Variants in GPR146 observed in about 807,000 individuals in gnomAD.
GPR146 encodes the protein G-protein coupled receptor 146.
For synonymous variants in GPR146, 203 were observed against 104.3 expected (o/e 1.95, Z -5.77); for missense variants, 381 against 213.9 (o/e 1.78, Z -4.87).
intron 1 of GPR146, among the ~76,000 whole-genome samples, chr7:1,053,744 T>A (rs1014511809): frequency 6.6e-6 from 1 of 152,150 alleles, no homozygotes; most frequent in Admixed American, 6.5e-5. Flanking sequence ...GGAGAATCGC[T>A]TGAACCCGGG....
At chr7:1,049,006 C>G (rs558981589) in intron 1 of GPR146, among the ~76,000 whole-genome samples, 1 of 152,376 alleles carries the variant, frequency 6.6e-6, no homozygotes, top group African/African-American at 2.4e-5. Context: ...ACTGCAAAGC[C>G]TCTGCAGTCT....
In GPR146 at chr7:1,058,869, T is replaced by A. The variant is rs1012604327; in HGVS notation, c.*352T>A. ...TATACTTTGTGGTTAAAATACTTGA[T>A]TCCCCCTTGTTTGTTTTACAAAAAC... On this transcript the variant is annotated 3_prime_UTR_variant, in exon 2 of 2. Coordinates refer to ENST00000444847, the MANE Select transcript of GPR146 (RefSeq NM_001303473.2). The A allele has an allele frequency of 8.6e-6, 2 of 231,560 alleles. No homozygotes were observed. Among genetic ancestry groups the A allele is most frequent in the East Asian group, 1.9e-4 (2 of 10,270 alleles). 14.3% of individuals were successfully genotyped at this position (231,560 alleles called of 1,614,324 possible).
chr7:1,054,272 C>T (rs1255460611), intron 1 of GPR146, among the ~76,000 whole-genome samples: 4 of 152,236 alleles, frequency 2.6e-5, no homozygotes, highest in Non-Finnish European at 2.9e-5. Context: ...AGGTACGGCT[C>T]GGCTTGTAAC....
chr7:1,050,341 G>A (rs1476009223), intron 1 of GPR146, among the ~76,000 whole-genome samples: 1 of 152,250 alleles, frequency 6.6e-6, no homozygotes, highest in Non-Finnish European at 1.5e-5. Context: ...CAGGCTCAGA[G>A]CAGAGCAGGG....
intron 1 of GPR146, among the ~76,000 whole-genome samples, chr7:1,051,989 A>G (rs2363286): frequency 0.11 from 17,329 of 152,310 alleles, 1,194 homozygotes; most frequent in Middle Eastern, 0.21. Flanking sequence ...AAACAGAAAA[A>G]TAAAAACAGA....
At chr7:1,053,709 C>T (rs1159340738) in intron 1 of GPR146, among the ~76,000 whole-genome samples, 1 of 152,206 alleles carries the variant, frequency 6.6e-6, no homozygotes, top group Non-Finnish European at 1.5e-5. Context: ...CGCCTGTAAT[C>T]CCAGCTATTC....
In GPR146 at chr7:1,057,948, C is replaced by A. The variant is rs745975667; in HGVS notation, c.433C>A (p.Arg145=). ...CTACATGGCCAGCGTGTACAACACGCGGCACGTGTGCGGCTTCGTGTGGGG... is the reference window on the plus strand; with the variant it reads ...CTACATGGCCAGCGTGTACAACACGAGGCACGTGTGCGGCTTCGTGTGGGG... ...RTYMASVYNT[R]HVCGFVWGGA... Residue 145 remains arginine (R), a synonymous_variant, in exon 2 of 2, where the codon CGG becomes AGG. Transcript: ENST00000444847. 1.3e-6 allele frequency: 1 copy of A among 772,968 alleles called. No individual in the cohort carries two copies. Among genetic ancestry groups the A allele is most frequent in the Admixed American group, 1.7e-5 (1 of 59,042 alleles). 47.9% of individuals were successfully genotyped at this position (772,968 alleles called of 1,614,324 possible). A position where few individuals can be genotyped will look rare whatever the true frequency, so the allele number is the denominator to read the frequency against.
At chr7:1,050,550 T>C (rs996718122) in intron 1 of GPR146, among the ~76,000 whole-genome samples, 6 of 152,214 alleles carry the variant, frequency 3.9e-5, no homozygotes, top group Non-Finnish European at 8.8e-5. Flanking sequence ...TCCGAGCGGA[T>C]GCTCTGCAAG....
Position 1,058,743 on chromosome 7 carries a change from A to G in GPR146, c.*226A>G. The G allele has an allele frequency of 1.8e-6, 1 of 568,842 alleles. No homozygotes were observed. The highest frequency in any genetic ancestry group is 3.2e-6 in the Non-Finnish European group (1 of 312,950). The allele number at this position is 568,842 out of a possible 1,614,324, so 35.2% of individuals were successfully genotyped here. A position where few individuals can be genotyped will look rare whatever the true frequency, so the allele number is the denominator to read the frequency against. On this transcript the variant is annotated 3_prime_UTR_variant, in exon 2 of 2. Transcript: ENST00000444847. ...TCTCCCCGAGGCCTGTGCGTCTCCCAAACACGCAGCTCAAGGTCCACATCC... is the reference window on the plus strand; with the variant it reads ...TCTCCCCGAGGCCTGTGCGTCTCCCGAACACGCAGCTCAAGGTCCACATCC...
At position 1,058,541 on chromosome 7, in the gene GPR146, C is replaced by A. The variant is rs753137935; in HGVS notation, c.*24C>A. The A allele has an allele frequency of 2.6e-6, 2 of 764,640 alleles. No homozygotes were observed. Among genetic ancestry groups the A allele is most frequent in the African/African-American group, 3.4e-5 (2 of 58,714 alleles). 47.4% of individuals were successfully genotyped at this position (764,640 alleles called of 1,614,324 possible). On this transcript the variant is annotated 3_prime_UTR_variant, in exon 2 of 2. Transcript: ENST00000444847. ...AGGCGGCCCAGCCCTCCTGGGGAGA[C>A]GTGACTCTGGTGGACGCAGAGCACT...
intron 1 of GPR146, among the ~76,000 whole-genome samples, chr7:1,048,625 A>C (rs142627058): frequency 1.3e-5 from 2 of 152,184 alleles, no homozygotes; most frequent in Admixed American, 1.3e-4. Flanking sequence ...GCTCACAGAC[A>C]TTCATTATTA....
chr7:1,049,516 G>C (rs1489232765), intron 1 of GPR146, among the ~76,000 whole-genome samples: 1 of 152,228 alleles, frequency 6.6e-6, no homozygotes, highest in African/African-American at 2.4e-5. Context: ...GCACATGCTT[G>C]CTGCCCGCTC....
At position 1,058,024 on chromosome 7, in the gene GPR146, A is replaced by G. The variant is rs374836183; in HGVS notation, c.509A>G (p.His170Arg). The G allele has an allele frequency of 5.2e-6, 4 of 769,566 alleles. No homozygotes were observed. The highest frequency in any genetic ancestry group is 9.6e-6 in the Non-Finnish European group (4 of 418,000). 47.7% of individuals were successfully genotyped at this position (769,566 alleles called of 1,614,324 possible). Reference sequence around the variant, plus strand: ...TCGCTGCTCTTCTACATCTGCAGCCATGTGTCCACCCGCGCGCTAGAGTGC... The same window carrying G: ...TCGCTGCTCTTCTACATCTGCAGCCGTGTGTCCACCCGCGCGCTAGAGTGC... ...FSSLLFYICS[H>R]VSTRALECAK... The change falls in exon 2 of 2, where the codon CAT (histidine) becomes CGT (arginine). Residue 170 changes from histidine (H) to arginine (R), a missense_variant. Coordinates refer to ENST00000444847, the MANE Select transcript of GPR146 (RefSeq NM_001303473.2).
intron 1 of GPR146, among the ~76,000 whole-genome samples, chr7:1,047,007 TAG>T (rs1244705728): frequency 2.0e-5 from 3 of 152,248 alleles, no homozygotes; most frequent in African/African-American, 7.2e-5. Context: ...GAGTCTGCAG[TAG>T]AGACTCTCTG....
At chr7:1,051,892 C>T (rs12701736) in intron 1 of GPR146, among the ~76,000 whole-genome samples, 19,540 of 152,192 alleles carry the variant, frequency 0.13, 1,683 homozygotes, top group Admixed American at 0.17. Context: ...ATGGGAGGAT[C>T]GCTTGAGCCC....
Position 1,057,386 on chromosome 7 carries a change from T to C in GPR146, c.-24-106T>C, listed in dbSNP as rs1783922978. The C allele has an allele frequency of 5.0e-6, 3 of 603,706 alleles. No individual in the cohort carries two copies. The Admixed American group carries it at 8.6e-5, about 17-fold the overall frequency. 37.4% of individuals were successfully genotyped at this position (603,706 alleles called of 1,614,324 possible). On this transcript the variant is annotated intron_variant, in intron 1 of 1. Transcript: ENST00000444847. ...CCAAAGGCAGCCTCGCTCTGTGGTC[T>C]GCAGCGATTACTGCACCAGGAGAAG...
At chr7:1,044,942 C>T (rs1782441935) in intron 1 of GPR146, among the ~76,000 whole-genome samples, 2 of 152,272 alleles carry the variant, frequency 1.3e-5, no homozygotes, top group Non-Finnish European at 2.9e-5. Flanking sequence ...AGCGCCGCCA[C>T]CGGCTCTCCC....
At chr7:1,054,291 G>A (rs1320775148) in intron 1 of GPR146, among the ~76,000 whole-genome samples, 1 of 152,218 alleles carries the variant, frequency 6.6e-6, no homozygotes, top group Admixed American at 6.5e-5. Context: ...ACCTTCACTG[G>A]AAACAGAAAC....
Position 1,058,246 on chromosome 7 carries a change from G to A in GPR146, c.731G>A (p.Gly244Glu). 1.3e-6 allele frequency: 1 copy of A among 768,184 alleles called. No homozygotes were observed. Among genetic ancestry groups the A allele is most frequent in the African/African-American group, 1.7e-5 (1 of 59,254 alleles). 47.6% of individuals were successfully genotyped at this position (768,184 alleles called of 1,614,324 possible). The change falls in exon 2 of 2, where the codon GGG (glycine) becomes GAG (glutamate). Residue 244 changes from glycine (G) to glutamate (E), a missense_variant. Coordinates refer to ENST00000444847, the MANE Select transcript of GPR146 (RefSeq NM_001303473.2). ...LLVATVCTQF[G>E]LWTPHYLILL... is the part of the protein sequence containing the mutation. ...GTGGCCACCGTGTGCACGCAGTTTG[G>A]GCTCTGGACGCCACACTATCTGATC...
Sources: allele counts gnomAD v4.1 joint callset (sites outside exome capture counted in the v4.1 genomes callset), GRCh38; gene constraint gnomAD v4.1.1; transcripts MANE v1.5; gene names NCBI Gene and HGNC (gene_info 2026-07-23, HGNC 2026-07-21).